The following CWC27 variants were observed in gnomAD, a reference collection of about 807,000 sequenced individuals.
CWC27 encodes spliceosome-associated protein CWC27 homolog.
In CWC27, 47 loss-of-function variants were observed where a neutral mutation model predicts 63.6. That is an observed-to-expected ratio of 0.74 (90% CI 0.58 to 0.94). The LOEUF (loss-of-function observed/expected upper bound fraction) is 0.94, where lower values mean the gene tolerates loss of function less well. Among genes scored for constraint, CWC27 ranks in the 40% least tolerant of loss-of-function variants. The probability of loss-of-function intolerance (pLI) is 0.00; values close to 1 mark genes in which losing one functional copy is unlikely to be tolerated. For synonymous variants in CWC27, 175 were observed against 179.8 expected, an observed-to-expected ratio of 0.97 and a Z score of 0.22; for missense variants, 495 against 554.3, an observed-to-expected ratio of 0.89 and a Z score of 1.07.
intron 10 of CWC27, chr5:64,844,785 T>C: frequency 2.4e-6 from 1 of 418,078 alleles, no homozygotes; most frequent in Non-Finnish European, 4.8e-6. Flanking sequence ...GCATAGAGCC[T>C]AGACCTGTTT....
At chr5:64,826,995 A>G (rs1745380608) in intron 10 of CWC27, among the ~76,000 whole-genome samples, 1 of 152,148 alleles carries the variant, frequency 6.6e-6, no homozygotes, top group African/African-American at 2.4e-5. Flanking sequence ...ACTTTTAAGC[A>G]AATTGTAGTA....
chr5:64,919,759 A>G (rs972134904), intron 11 of CWC27, among the ~76,000 whole-genome samples: 1 of 152,180 alleles, frequency 6.6e-6, no homozygotes, highest in African/African-American at 2.4e-5. Context: ...TCCACCATTA[A>G]TGGGCACCTT....
chr5:64,835,953 A>G (rs374429917), intron 10 of CWC27, among the ~76,000 whole-genome samples: 7 of 152,010 alleles, frequency 4.6e-5, no homozygotes, highest in East Asian at 3.9e-4. Context: ...TTTAAAAACT[A>G]TAAGTTTAAT....
intron 10 of CWC27, among the ~76,000 whole-genome samples, chr5:64,853,243 A>G (rs1746178811): frequency 6.6e-6 from 1 of 152,202 alleles, no homozygotes; most frequent in Non-Finnish European, 1.5e-5. Flanking sequence ...ATTTGTGGGT[A>G]TATAATAAAT....
intron 2 of CWC27, among the ~76,000 whole-genome samples, chr5:64,776,064 G>GGAGAGAGAGAGAGAGA (rs1468343872): frequency 1.2e-5 from 1 of 85,312 alleles, no homozygotes; most frequent in African/African-American, 5.1e-5. Flanking sequence ...GGGGAGGAGT[G>GGAGAGAGAGAGAGAGA]GAGCGAGAGA....
chr5:65,004,653 T>C (rs1253409064), intron 13 of CWC27, among the ~76,000 whole-genome samples: 1 of 150,896 alleles, frequency 6.6e-6, no homozygotes, highest in Non-Finnish European at 1.5e-5. Flanking sequence ...CTTAGTTTGT[T>C]AAATATCTTT....
At chr5:64,984,948 A>G (rs1272973334) in intron 13 of CWC27, among the ~76,000 whole-genome samples, 1 of 152,196 alleles carries the variant, frequency 6.6e-6, no homozygotes, top group Non-Finnish European at 1.5e-5. Flanking sequence ...TCTATTATCC[A>G]TTTTGAATAA....
chr5:64,944,737 A>G lies in CWC27; in HGVS notation c.1043-26966A>G, dbSNP rs903946490. On this transcript the variant is annotated intron_variant, in intron 11 of 13. Transcript: ENST00000381070. ...TGGTAGTACCTGGTCAGCCACAATC[A>G]TCTCCCGTGTAGATTAGTGCAGTCG... Among the ~76,000 whole-genome samples the G allele has an allele frequency of 2.0e-5, 3 of 152,150 alleles. No individual in the cohort carries two copies. In the East Asian group the frequency reaches 5.8e-4, roughly 29 times the overall value.
chr5:64,799,890 G>A (rs969594497), intron 7 of CWC27, among the ~76,000 whole-genome samples: 1 of 151,858 alleles, frequency 6.6e-6, no homozygotes, highest in Non-Finnish European at 1.5e-5. Flanking sequence ...ATAATAGCAT[G>A]CATTTATTTC....
rs938500299 is a variant in CWC27, at chr5:64,998,592, G to T, written c.1257-19567G>T. On this transcript the variant is annotated intron_variant, in intron 13 of 13. Coordinates refer to ENST00000381070, the MANE Select transcript of CWC27 (RefSeq NM_005869.4). ...TTTTTAACTAAGGGATACAAAAGAC[G>T]TGTTTTAGAGTTAGCCTTTCAAAAC... Among the ~76,000 whole-genome samples, 5 of 152,032 alleles carry T rather than the reference G, an allele frequency of 3.3e-5. No homozygotes were observed. The East Asian group carries it at 9.6e-4, about 29-fold the overall frequency.
At chr5:64,950,646 C>T (rs1748686112) in intron 11 of CWC27, among the ~76,000 whole-genome samples, 1 of 151,952 alleles carries the variant, frequency 6.6e-6, no homozygotes, top group Admixed American at 6.6e-5. Flanking sequence ...GTATACTTTA[C>T]ATACAATAAA....
At chr5:64,939,875 C>T (rs1044657631) in intron 11 of CWC27, among the ~76,000 whole-genome samples, 10 of 152,308 alleles carry the variant, frequency 6.6e-5, no homozygotes, top group African/African-American at 2.2e-4. Flanking sequence ...CTGCACTGGG[C>T]TCCGCCCAGT....
chr5:64,981,344 T>C (rs186536285), intron 13 of CWC27, among the ~76,000 whole-genome samples: 1 of 152,340 alleles, frequency 6.6e-6, no homozygotes, highest in African/African-American at 2.4e-5. Context: ...GTACTACAGC[T>C]TTATAACTTG....
chr5:64,997,747 C>G (rs1364166568), intron 13 of CWC27, among the ~76,000 whole-genome samples: 2 of 151,952 alleles, frequency 1.3e-5, no homozygotes, highest in Non-Finnish European at 2.9e-5. Flanking sequence ...GGAGGGGACA[C>G]AGATAAAGGA....
At chr5:64,961,689 T>C (rs1748915236) in intron 11 of CWC27, among the ~76,000 whole-genome samples, 1 of 152,174 alleles carries the variant, frequency 6.6e-6, no homozygotes, top group African/African-American at 2.4e-5. Flanking sequence ...TAATTATGAA[T>C]TGAAGTTTTA....
At chr5:64,776,070 AGAGAGAG>A (rs1743433922) in intron 2 of CWC27, among the ~76,000 whole-genome samples, 1 of 5,164 alleles carries the variant, frequency 1.9e-4, no homozygotes, top group African/African-American at 4.4e-4. Context: ...GAGTGGAGCG[AGAGAGAG>A]AGAGAGAGAG....
intron 13 of CWC27, among the ~76,000 whole-genome samples, chr5:65,012,589 A>G (rs1181603872): frequency 6.6e-6 from 1 of 152,222 alleles, no homozygotes; most frequent in Non-Finnish European, 1.5e-5. Context: ...CGTTGGCAGC[A>G]TGCATTAAAA....
intron 2 of CWC27, among the ~76,000 whole-genome samples, chr5:64,775,097 T>C (rs1413502691): frequency 6.6e-6 from 1 of 152,226 alleles, no homozygotes; most frequent in Non-Finnish European, 1.5e-5. Context: ...AGATTGCCTC[T>C]AGTTCTCTAT....
chr5:64,969,068 C>A (rs1009086813), intron 11 of CWC27, among the ~76,000 whole-genome samples: 1 of 152,190 alleles, frequency 6.6e-6, no homozygotes, highest in African/African-American at 2.4e-5. Context: ...CTACTTCCTT[C>A]ACATTCCTAA....
Sources: allele counts gnomAD v4.1 joint callset (sites outside exome capture counted in the v4.1 genomes callset), GRCh38; gene constraint gnomAD v4.1.1; transcripts MANE v1.5; gene names NCBI Gene and HGNC (gene_info 2026-07-23, HGNC 2026-07-21).